ZFHX3: variants seen among roughly 807,000 people sequenced by gnomAD.
ZFHX3 encodes the protein zinc finger homeobox 3.
In ZFHX3, 42 loss-of-function variants were observed where a neutral mutation model predicts 279.1. That is an observed-to-expected ratio of 0.15 (90% CI 0.12 to 0.19). ZFHX3 has a LOEUF of 0.19. Among genes scored for constraint, ZFHX3 ranks in the 10% least tolerant of loss-of-function variants. The probability of loss-of-function intolerance (pLI) is 1.00; values close to 1 mark genes in which losing one functional copy is unlikely to be tolerated. For synonymous variants in ZFHX3, 2,293 were observed against 1,957.8 expected (o/e 1.17, Z -4.52); for missense variants, 4,981 against 4,754.0 (o/e 1.05, Z -1.40).
At chr16:72,987,328 G>A (rs1219533479) in intron 1 of ZFHX3, among the ~76,000 whole-genome samples, 1 of 152,124 alleles carries the variant, frequency 6.6e-6, no homozygotes, top group Non-Finnish European at 1.5e-5. Context: ...GCAATTGAAG[G>A]GACACCACTT....
chr16:73,582,806 C>T (rs1357831952), intron 2 of ZFHX3, among the ~76,000 whole-genome samples: 3 of 151,806 alleles, frequency 2.0e-5, no homozygotes, highest in Non-Finnish European at 2.9e-5. Context: ...GACTTCCCAT[C>T]TGAACCCAAC....
intron 4 of ZFHX3, among the ~76,000 whole-genome samples, chr16:73,279,378 A>G (rs1391109096): frequency 6.6e-6 from 1 of 152,164 alleles, no homozygotes; most frequent in Non-Finnish European, 1.5e-5. Flanking sequence ...TTTACGTTTT[A>G]TCATATATTA....
intron 2 of ZFHX3, among the ~76,000 whole-genome samples, chr16:73,527,861 C>T (rs1490646579): frequency 1.3e-5 from 2 of 152,210 alleles, no homozygotes; most frequent in African/African-American, 2.4e-5. Flanking sequence ...CAGCCAACCT[C>T]TTGATAGCAG....
In ZFHX3 at chr16:72,786,443, G is replaced by GCGTAA. The variant is rs1555514771; in HGVS notation, c.*720_*721insTTACG. ...TTTTTTTTTTTTTGAAAGTGGGAGT[G>GCGTAA]CTTAACTTTTCCCCTTGAAATTGGC... is the stretch of plus-strand genomic sequence containing the variant. On this transcript the variant is annotated 3_prime_UTR_variant, in exon 10 of 10. Coordinates refer to ENST00000268489, the MANE Select transcript of ZFHX3 (RefSeq NM_006885.4). 1 of 147,550 alleles carries GCGTAA rather than the reference G, an allele frequency of 6.8e-6. No homozygotes were observed. The highest frequency in any genetic ancestry group is 1.5e-5 in the Non-Finnish European group (1 of 67,030). The allele number at this position is 147,550 out of a possible 1,614,324, so 9.1% of individuals were successfully genotyped here.
chr16:73,662,656 TCTTTC>T (rs2052797689), intron 2 of ZFHX3, among the ~76,000 whole-genome samples: 2 of 152,236 alleles, frequency 1.3e-5, no homozygotes, highest in Admixed American at 1.3e-4. Flanking sequence ...GGAATATGTT[TCTTTC>T]CTTTGAGAAT....
chr16:72,967,655 G>A (rs1317316430), intron 1 of ZFHX3, among the ~76,000 whole-genome samples: 2 of 151,652 alleles, frequency 1.3e-5, no homozygotes, highest in Non-Finnish European at 2.9e-5. Context: ...GGTGGCTCAC[G>A]CCTGTAATCC....
intron 3 of ZFHX3, among the ~76,000 whole-genome samples, chr16:72,904,367 A>AAACTAAAT (rs372466280): frequency 3.0e-4 from 42 of 140,070 alleles, no homozygotes; most frequent in Non-Finnish European, 4.6e-4. Flanking sequence ...ATTCTGTCTC[A>AAACTAAAT]AAATAAATAA....
chr16:73,134,146 C>G (rs978779286), intron 6 of ZFHX3, among the ~76,000 whole-genome samples: 2 of 152,034 alleles, frequency 1.3e-5, no homozygotes, highest in East Asian at 1.9e-4. Context: ...TCCAAGGTCT[C>G]ACAGATAGTA....
intron 1 of ZFHX3, among the ~76,000 whole-genome samples, chr16:73,712,776 A>G (rs1200121961): frequency 6.6e-6 from 1 of 152,034 alleles, no homozygotes; most frequent in Non-Finnish European, 1.5e-5. Context: ...CTTTGTTTTC[A>G]CCGTAAGAGG....
chr16:73,292,679 G>A (rs1363420658), intron 4 of ZFHX3, among the ~76,000 whole-genome samples: 1 of 152,156 alleles, frequency 6.6e-6, no homozygotes, highest in Non-Finnish European at 1.5e-5. Flanking sequence ...TGTGTGATGT[G>A]TGTGTGTGTG....
intron 3 of ZFHX3, among the ~76,000 whole-genome samples, chr16:72,923,499 T>C (rs1959258632): frequency 6.6e-6 from 1 of 151,978 alleles, no homozygotes; most frequent in Admixed American, 6.6e-5. Flanking sequence ...CTTGTATCCT[T>C]GATAGAGGCA....
At position 73,882,790 on chromosome 16, in the gene ZFHX3, T is replaced by C. The variant is rs8055708; in HGVS notation, c.-1608+8861A>G. The stretch of plus-strand genomic sequence containing the variant: ...TGGGTGCCAAGTGTCCCGAAACAAC[T>C]ACTCAAAAAAAGTTCAGCATTTTGT... On this transcript the variant is annotated intron_variant, in intron 1 of 17. Transcript: ENST00000641206. Among the ~76,000 whole-genome samples, 768 of 152,150 alleles carry C rather than the reference T, an allele frequency of 5.0e-3. 7 individuals are homozygous for C. Among genetic ancestry groups the C allele is most frequent in the African/African-American group, 0.017 (712 of 41,512 alleles).
chr16:73,331,579 G>C (rs1205411486), intron 3 of ZFHX3, among the ~76,000 whole-genome samples: 1 of 152,172 alleles, frequency 6.6e-6, no homozygotes, highest in Non-Finnish European at 1.5e-5. Context: ...TAAGTGTCAT[G>C]ATTTACCCAT....
In ZFHX3 at chr16:72,798,061, G is replaced by A. The variant is rs756202104; in HGVS notation, c.4621C>T (p.Pro1541Ser). ...ACGGTACACTTGTAAGGGCGAGAAG[G>A]GTCTAGGAACTTTTCCATAGTAAAA... ...PNFTMEKFLD[P>S]SRPYKCTVCK... Residue 1541 changes from proline (P) to serine (S), a missense_variant, in exon 9 of 10, where the codon CCT becomes TCT. Physicochemically the swap from Pro to Ser is moderately conservative, Grantham distance 74. Transcript: ENST00000268489. 6.2e-7 allele frequency: 1 copy of A among 1,614,142 alleles called. No individual in the cohort carries two copies. The highest frequency in any genetic ancestry group is 2.2e-5 in the East Asian group (1 of 44,876).
At chr16:73,102,446 T>C (rs1226868315) in intron 7 of ZFHX3, among the ~76,000 whole-genome samples, 1 of 152,246 alleles carries the variant, frequency 6.6e-6, no homozygotes, top group Non-Finnish European at 1.5e-5. Context: ...CCTTTGCTTT[T>C]CTCTAGCATA....
chr16:73,438,048 A>G (rs1489735188), intron 3 of ZFHX3, among the ~76,000 whole-genome samples: 1 of 152,062 alleles, frequency 6.6e-6, no homozygotes, highest in East Asian at 1.9e-4. Context: ...GTTTGATTTG[A>G]AAGTCAAGTG....
chr16:73,433,562 T>C (rs2017945715), intron 3 of ZFHX3, among the ~76,000 whole-genome samples: 1 of 152,154 alleles, frequency 6.6e-6, no homozygotes, highest in Non-Finnish European at 1.5e-5. Flanking sequence ...CCACCCCAGC[T>C]GGAGAGGCAT....
chr16:73,418,465 T>G (rs2017643194), intron 3 of ZFHX3, among the ~76,000 whole-genome samples: 1 of 152,238 alleles, frequency 6.6e-6, no homozygotes, highest in South Asian at 2.1e-4. Flanking sequence ...GTTCAGGCTG[T>G]GTTTGTTCTA....
At chr16:73,654,000 T>C (rs945255912) in intron 2 of ZFHX3, among the ~76,000 whole-genome samples, 15 of 151,852 alleles carry the variant, frequency 9.9e-5, no homozygotes, top group Non-Finnish European at 2.9e-5. Flanking sequence ...CTGGCCAACA[T>C]GGTGAAACCC....
Sources: allele counts gnomAD v4.1 joint callset (sites outside exome capture counted in the v4.1 genomes callset), GRCh38; gene constraint gnomAD v4.1.1; transcripts MANE v1.5; gene names NCBI Gene and HGNC (gene_info 2026-07-23, HGNC 2026-07-21).